The following PTPN20 variants were observed in gnomAD, a reference collection of about 807,000 sequenced individuals.
The protein encoded by PTPN20 is tyrosine-protein phosphatase non-receptor type 20.
A neutral mutation model predicts 35.0 loss-of-function variants in PTPN20; 9 were observed. The observed-to-expected ratio is 0.26, with a 90% CI of 0.15 to 0.45. PTPN20 has a LOEUF of 0.45. Ranked by LOEUF, PTPN20 falls within the 20% of genes least tolerant of loss-of-function variation. The pLI, the probability that PTPN20 is intolerant of heterozygous loss-of-function variation, is 1.00. For synonymous variants in PTPN20, 32 were observed against 100.2 expected (o/e 0.32, Z 4.06); for missense variants, 111 against 312.5 (o/e 0.36, Z 4.86).
intron 7 of PTPN20, among the ~76,000 whole-genome samples, chr10:46,982,855 A>G (rs1351880276): frequency 1.3e-5 from 2 of 152,150 alleles, no homozygotes; most frequent in South Asian, 2.1e-4. Context: ...AGCCATTGTT[A>G]TCACCTTTAT....
In PTPN20 at chr10:47,000,667, TG is replaced by T; in HGVS notation, c.1198-8del. ...AACATTCTGTTGTTTTTTATATATATGTATATAGGAGCAGTATCACTTTTGT... is the reference window on the plus strand; with the variant it reads ...AACATTCTGTTGTTTTTTATATATATTATATAGGAGCAGTATCACTTTTGT... On this transcript the variant is annotated splice_region_variant and splice_polypyrimidine_tract_variant and intron_variant, in intron 10 of 10. Transcript: ENST00000374339. The T allele has an allele frequency of 6.2e-7, 1 of 1,613,170 alleles. No homozygotes were observed. Among genetic ancestry groups the T allele is most frequent in the African/African-American group, 1.3e-5 (1 of 75,004 alleles).
At chr10:47,003,604 T>C (rs989859861), downstream of PTPN20, among the ~76,000 whole-genome samples, 12 of 152,266 alleles carry the variant, frequency 7.9e-5, no homozygotes, top group African/African-American at 2.4e-4. Flanking sequence ...ACAGGCCATA[T>C]CTGACTTCTT....
chr10:46,998,872 A>C (rs1283752355), intron 9 of PTPN20, among the ~76,000 whole-genome samples: 1 of 152,146 alleles, frequency 6.6e-6, no homozygotes, highest in Non-Finnish European at 1.5e-5. Flanking sequence ...CTATAATCCC[A>C]GACCTTAGGA....
intron 7 of PTPN20, among the ~76,000 whole-genome samples, chr10:46,982,876 T>C (rs1292332319): frequency 0.024 from 3,601 of 152,098 alleles, 51 homozygotes; most frequent in African/African-American, 0.082. Context: ...AATTTAGTAA[T>C]ATAACATATT....
intron 9 of PTPN20, among the ~76,000 whole-genome samples, chr10:46,988,804 T>G (rs1280942110): frequency 1.3e-5 from 2 of 152,138 alleles, no homozygotes; most frequent in Admixed American, 1.3e-4. Context: ...ATAGTTTTCC[T>G]CATAGAAGTC....
intron 9 of PTPN20, among the ~76,000 whole-genome samples, chr10:46,999,002 G>A (rs1590056772): frequency 2.6e-5 from 4 of 152,214 alleles, no homozygotes; most frequent in Middle Eastern, 6.8e-3. Flanking sequence ...TACTCAGGAG[G>A]TTGAGGAGGG....
chr10:46,936,161 G>C (rs534403921), intron 2 of PTPN20, among the ~76,000 whole-genome samples: 29 of 151,990 alleles, frequency 1.9e-4, no homozygotes, highest in African/African-American at 6.8e-4. Context: ...TTTGATTCTT[G>C]CTTGTTCATT....
At position 46,966,158 on chromosome 10, in the gene PTPN20, A is replaced by AT. The variant is rs1180911377; in HGVS notation, c.492+1022dup. Among the ~76,000 whole-genome samples the AT allele has an allele frequency of 3.0e-4, 45 of 151,416 alleles. No homozygotes were observed. The East Asian group carries it at 8.7e-3, about 29-fold the overall frequency. On this transcript the variant is annotated intron_variant, in intron 6 of 10. Transcript: ENST00000374339. The stretch of plus-strand genomic sequence containing the variant: ...GCTCTCAAACTCCTGACCTAAGGTG[A>AT]TCAGCCCACCTTGGCCTCCCAAAGT...
At chr10:46,927,890 G>T (rs1222459948) in intron 1 of PTPN20, among the ~76,000 whole-genome samples, 1 of 151,684 alleles carries the variant, frequency 6.6e-6, no homozygotes, top group Admixed American at 6.6e-5. Context: ...GAAAAGAAGT[G>T]TAAACAGACA....
Position 46,999,955 on chromosome 10 carries a change from C to T in PTPN20, c.1178C>T (p.Ser393Phe), listed in dbSNP as rs1181715012. 3.7e-6 allele frequency: 6 copies of T among 1,613,654 alleles called. No homozygotes were observed. Among genetic ancestry groups the T allele is most frequent in the South Asian group, 3.3e-5 (3 of 91,074 alleles). Reference protein sequence around the residue: ...DIVAQMREQRSGMVQTKEQYH... With the variant: ...DIVAQMREQRFGMVQTKEQYH... Reference sequence around the variant, plus strand: ...GTGGCCCAAATGAGAGAACAACGTTCTGGCATGGTTCAAACGAAGGTAAGC... The same window carrying T: ...GTGGCCCAAATGAGAGAACAACGTTTTGGCATGGTTCAAACGAAGGTAAGC... Residue 393 changes from serine (S) to phenylalanine (F), a missense_variant, in exon 10 of 11, where the codon TCT (serine) becomes TTT (phenylalanine). By Grantham distance (155) the Ser-to-Phe change is radical. Coordinates refer to ENST00000374339, the MANE Select transcript of PTPN20 (RefSeq NM_001042357.5).
intron 2 of PTPN20, among the ~76,000 whole-genome samples, chr10:46,932,851 A>G (rs2040192437): frequency 7.5e-6 from 1 of 133,648 alleles, no homozygotes; most frequent in Non-Finnish European, 1.6e-5. Flanking sequence ...CAAAGAAAAC[A>G]ACAAGACAAT....
At chr10:46,931,694 A>C (rs2039663572) in intron 1 of PTPN20, among the ~76,000 whole-genome samples, 1 of 143,304 alleles carries the variant, frequency 7.0e-6, no homozygotes, top group Non-Finnish European at 1.5e-5. Context: ...GTCTTAAATA[A>C]TTTTTTAACA....
At chr10:46,925,139 C>T (rs1384138048) in intron 1 of PTPN20, among the ~76,000 whole-genome samples, 15 of 151,336 alleles carry the variant, frequency 9.9e-5, no homozygotes, top group African/African-American at 3.7e-4. Context: ...AGGTATGGGG[C>T]TGGTGGTCTC....
chr10:46,982,955 C>A (rs2055903730), intron 7 of PTPN20, among the ~76,000 whole-genome samples: 1 of 150,720 alleles, frequency 6.6e-6, no homozygotes, highest in Non-Finnish European at 1.5e-5. Flanking sequence ...ATTTAATATA[C>A]AAATAGGAGT....
chr10:46,925,716 A>G (rs1486327955), intron 1 of PTPN20, among the ~76,000 whole-genome samples: 4 of 151,354 alleles, frequency 2.6e-5, no homozygotes, highest in African/African-American at 9.8e-5. Context: ...GAGCCTGACT[A>G]TAGCTCTCAG....
At chr10:46,937,745 T>C (rs1365635954) in intron 2 of PTPN20, among the ~76,000 whole-genome samples, 1 of 152,106 alleles carries the variant, frequency 6.6e-6, no homozygotes, top group African/African-American at 2.4e-5. Flanking sequence ...TAAAAATTTA[T>C]AATAGTTAAA....
intron 2 of PTPN20, among the ~76,000 whole-genome samples, chr10:46,939,962 A>C (rs1174553875): frequency 0.048 from 7,296 of 151,604 alleles, 168 homozygotes; most frequent in Admixed American, 0.1. Context: ...TCTAAATCAT[A>C]ATATTTAAGG....
intron 2 of PTPN20, among the ~76,000 whole-genome samples, chr10:46,936,907 T>C (rs1221285689): frequency 6.8e-6 from 1 of 148,042 alleles, no homozygotes; most frequent in African/African-American, 2.5e-5. Flanking sequence ...TTTTTCCTTA[T>C]AATTGAGTTA....
At chr10:46,938,065 C>T (rs2042322413) in intron 2 of PTPN20, among the ~76,000 whole-genome samples, 1 of 151,876 alleles carries the variant, frequency 6.6e-6, no homozygotes, top group Non-Finnish European at 1.5e-5. Flanking sequence ...ATTCTCCTGC[C>T]TCAGCCTCCT....
Sources: allele counts gnomAD v4.1 joint callset (sites outside exome capture counted in the v4.1 genomes callset), GRCh38; gene constraint gnomAD v4.1.1; transcripts MANE v1.5; gene names NCBI Gene and HGNC (gene_info 2026-07-23, HGNC 2026-07-21).